PCDH19: variants seen among roughly 807,000 people sequenced by gnomAD.
PCDH19 encodes the protein protocadherin-19.
PCDH19 carries 6 observed loss-of-function variants against 46.2 expected under a neutral mutation model. That is an observed-to-expected ratio of 0.13 (90% CI 0.07 to 0.26). The LOEUF (loss-of-function observed/expected upper bound fraction) is 0.26. Ranked by LOEUF, PCDH19 falls within the 10% of genes least tolerant of loss-of-function variation. PCDH19 has a pLI of 1.00. For missense variants in PCDH19, 740 were observed against 972.3 expected (o/e 0.76, Z 3.18); for synonymous variants, 481 against 415.7 (o/e 1.16, Z -1.91).
intron 1 of PCDH19, among the ~76,000 whole-genome samples, chrX:100,404,837 T>A (rs138379837): frequency 5.4e-5 from 6 of 111,847 alleles, no homozygotes; most frequent in African/African-American, 1.6e-4. Flanking sequence ...ATTATCTCCA[T>A]ATAAATAAAA....
intron 3 of PCDH19, among the ~76,000 whole-genome samples, chrX:100,387,486 T>C (rs747640024): frequency 2.9e-4 from 32 of 111,652 alleles, no homozygotes; most frequent in African/African-American, 1.0e-3. Flanking sequence ...TATTGGAGAA[T>C]ACTAAAAAAG....
Position 100,299,684 on chromosome X carries a change from A to G in PCDH19, c.2849-2809T>C, listed in dbSNP as rs190134075. ...GCTGACCCACTGTCTAAATGAAACAATCACTGTTGGGAAAAGAGAAACGGA... is the reference window on the plus strand; with the variant it reads ...GCTGACCCACTGTCTAAATGAAACAGTCACTGTTGGGAAAAGAGAAACGGA... On this transcript the variant is annotated intron_variant, in intron 5 of 5. Transcript: ENST00000373034. Among the ~76,000 whole-genome samples the G allele has an allele frequency of 1.2e-4, 13 of 111,967 alleles. No individual in the cohort carries two copies. The East Asian group carries it at 3.4e-3, about 29-fold the overall frequency.
chrX:100,322,865 A>ATATATATATATATATATATATATAT, intron 5 of PCDH19, among the ~76,000 whole-genome samples: 1 of 54,418 alleles, frequency 1.8e-5, no homozygotes, highest in African/African-American at 8.4e-5. Context: ...ATATATATAT[A>ATATATATATATATATATATATATAT]TTTTTGCAGC....
At chrX:100,371,868 ACACACACACACACACC>A (rs1364069173) in intron 3 of PCDH19, among the ~76,000 whole-genome samples, 5 of 106,857 alleles carry the variant, frequency 4.7e-5, no homozygotes, top group African/African-American at 1.8e-4. Flanking sequence ...ACACACACAC[ACACACACACACACACC>A]CACACAAAAC....
chrX:100,333,190 A>AAAGAAAGAAAGAAAGAAAGG, intron 5 of PCDH19, among the ~76,000 whole-genome samples: 1 of 53,691 alleles, frequency 1.9e-5, no homozygotes, highest in South Asian at 9.5e-4. Context: ...AGAGAGAAAG[A>AAAGAAAGAAAGAAAGAAAGG]AAGAAAGAAA....
intron 3 of PCDH19, among the ~76,000 whole-genome samples, chrX:100,370,403 T>C (rs928461730): frequency 8.9e-6 from 1 of 112,288 alleles, no homozygotes; most frequent in East Asian, 2.8e-4. Flanking sequence ...TCTAAAGCTG[T>C]CTATTTAGCC....
At chrX:100,373,990 G>A (rs1481548672) in intron 3 of PCDH19, among the ~76,000 whole-genome samples, 3 of 112,290 alleles carry the variant, frequency 2.7e-5, no homozygotes, top group Non-Finnish European at 5.6e-5. Flanking sequence ...AAAAGTAGGA[G>A]AAGGTCCCAT....
chrX:100,333,145 GGAA>G (rs1569294518), intron 5 of PCDH19, among the ~76,000 whole-genome samples: 14 of 47,475 alleles, frequency 2.9e-4, no homozygotes, highest in South Asian at 1.2e-3. Flanking sequence ...AAGGAAGGAA[GGAA>G]GGAAGGAAGG....
At chrX:100,325,362 T>C (rs370292917) in intron 5 of PCDH19, among the ~76,000 whole-genome samples, 3 of 96,038 alleles carry the variant, frequency 3.1e-5, no homozygotes, top group African/African-American at 1.1e-4. Flanking sequence ...TTAGGGACTA[T>C]AATGATCTTT....
intron 5 of PCDH19, among the ~76,000 whole-genome samples, chrX:100,317,936 C>T (rs977279776): frequency 6.2e-5 from 7 of 112,191 alleles, no homozygotes; most frequent in African/African-American, 2.3e-4. Context: ...AAAGCAAAGG[C>T]AAACCTTTCT....
At chrX:100,349,786 A>C (rs1375890503) in intron 4 of PCDH19, among the ~76,000 whole-genome samples, 1 of 112,536 alleles carries the variant, frequency 8.9e-6, no homozygotes, top group Non-Finnish European at 1.9e-5. Flanking sequence ...CATCATTTGA[A>C]AGGTTAGGAC....
intron 3 of PCDH19, among the ~76,000 whole-genome samples, chrX:100,381,675 AG>A (rs751890982): frequency 1.8e-5 from 2 of 112,472 alleles, no homozygotes; most frequent in East Asian, 5.6e-4. Flanking sequence ...AGAACAAAGT[AG>A]GGAGATCTGT....
rs1928364873 is a variant in PCDH19, at chrX:100,406,782, C to A, written c.1816G>T (p.Asp606Tyr). 2 of 1,211,791 alleles carry A rather than the reference C, an allele frequency of 1.7e-6. No homozygotes were observed. Among genetic ancestry groups the A allele is most frequent in the Non-Finnish European group, 2.2e-6 (2 of 895,561 alleles). Residue 606 changes from aspartate (D) to tyrosine (Y), a missense_variant, in exon 1 of 6, where the codon GAC (aspartate) becomes TAC (tyrosine). Coordinates refer to ENST00000373034, the MANE Select transcript of PCDH19 (RefSeq NM_001184880.2). ...AAGCCGCGGTCGCCCTCGGTCATGT[C>A]GTAGGTGACTCGGCCATTTTCGCCC... ...DEGENGRVTY[D>Y]MTEGDRGFFE...
At chrX:100,389,370 G>A (rs1207698726) in intron 3 of PCDH19, among the ~76,000 whole-genome samples, 2 of 100,262 alleles carry the variant, frequency 2.0e-5, no homozygotes, top group Non-Finnish European at 4.1e-5. Flanking sequence ...AGAACAGAAC[G>A]GTGGTTGCCA....
intron 3 of PCDH19, among the ~76,000 whole-genome samples, chrX:100,386,051 G>T (rs781004281): frequency 8.9e-6 from 1 of 112,002 alleles, no homozygotes; most frequent in African/African-American, 3.2e-5. Context: ...ATTAATATAT[G>T]TGTTTTCAAA....
intron 3 of PCDH19, among the ~76,000 whole-genome samples, chrX:100,385,947 G>A (rs1161543444): frequency 9.0e-6 from 1 of 111,592 alleles, no homozygotes; most frequent in Non-Finnish European, 1.9e-5. Context: ...AAGAGAAATA[G>A]AATGATCTCA....
chrX:100,347,303 C>G (rs1433990395), intron 4 of PCDH19, among the ~76,000 whole-genome samples: 1 of 110,990 alleles, frequency 9.0e-6, no homozygotes, highest in African/African-American at 3.3e-5. Flanking sequence ...TGTCTCTGCT[C>G]CCTTCCTCCA....
At chrX:100,401,515 G>A (rs1302829232) in intron 3 of PCDH19, among the ~76,000 whole-genome samples, 1 of 110,775 alleles carries the variant, frequency 9.0e-6, no homozygotes, top group Admixed American at 9.6e-5. Flanking sequence ...AGCTGGGCGT[G>A]GTGGTGCATG....
chrX:100,399,853 C>CA (rs1928128320), intron 3 of PCDH19, among the ~76,000 whole-genome samples: 1 of 112,143 alleles, frequency 8.9e-6, no homozygotes, highest in East Asian at 2.8e-4. Flanking sequence ...CTTTGTGAGT[C>CA]AGAGACAGGA....
Sources: allele counts gnomAD v4.1 joint callset (sites outside exome capture counted in the v4.1 genomes callset), GRCh38; gene constraint gnomAD v4.1.1; transcripts MANE v1.5; gene names NCBI Gene and HGNC (gene_info 2026-07-23, HGNC 2026-07-21).